AKAP9: variants seen among roughly 807,000 people sequenced by gnomAD.
AKAP9 encodes the protein A-kinase anchoring protein 9.
Under a neutral mutation model 488.5 loss-of-function variants are expected in AKAP9, and 311 were observed. The ratio of observed to expected loss-of-function variants is 0.64; its 90% CI spans 0.58 to 0.70. The LOEUF is 0.70. Ranked by LOEUF, AKAP9 falls within the 30% of genes least tolerant of loss-of-function variation. The pLI is 0.00. For synonymous variants in AKAP9, 1,462 were observed against 1,483.5 expected (o/e 0.99, Z 0.33); for missense variants, 4,215 against 4,374.5 (o/e 0.96, Z 1.03).
Position 92,079,507 on chromosome 7 carries a change from G to A in AKAP9, c.7374G>A (p.Leu2458=). ...GTGTTAACGTGGCTATAGATCATCTGAGCAAAGACAAACCTGAACTAGAAG... is the reference window on the plus strand; with the variant it reads ...GTGTTAACGTGGCTATAGATCATCTAAGCAAAGACAAACCTGAACTAGAAG... ...ENSVNVAIDH[L]SKDKPELEVV... is the part of the protein sequence containing the mutation. Residue 2458 remains leucine (L), a synonymous_variant, in exon 31 of 50, where the codon CTG becomes CTA. Transcript: ENST00000356239. The A allele has an allele frequency of 6.2e-7, 1 of 1,613,910 alleles. No individual in the cohort carries two copies. Among genetic ancestry groups the A allele is most frequent in the Non-Finnish European group, 8.5e-7 (1 of 1,180,002 alleles).
At chr7:92,010,431 G>A (rs952828653) in intron 8 of AKAP9, among the ~76,000 whole-genome samples, 16 of 152,210 alleles carry the variant, frequency 1.1e-4, no homozygotes, top group Admixed American at 8.5e-4. Flanking sequence ...ATAAATGCCC[G>A]CAGGGCCAGC....
chr7:91,956,423 A>G (rs1793020248), intron 1 of AKAP9, among the ~76,000 whole-genome samples: 1 of 149,114 alleles, frequency 6.7e-6, no homozygotes, highest in Non-Finnish European at 1.5e-5. Context: ...AAAAAAAAGT[A>G]GAGATGGGAT....
chr7:92,106,869 T>G (rs1318949113), intron 47 of AKAP9, among the ~76,000 whole-genome samples: 1 of 152,142 alleles, frequency 6.6e-6, no homozygotes, highest in Non-Finnish European at 1.5e-5. Flanking sequence ...CCATAATAAG[T>G]TGTGTTTTAT....
At chr7:92,030,567 G>T (rs1178429279) in intron 15 of AKAP9, among the ~76,000 whole-genome samples, 2 of 151,606 alleles carry the variant, frequency 1.3e-5, no homozygotes, top group East Asian at 3.9e-4. Flanking sequence ...GCTTGAACCT[G>T]GGAGGCAGAG....
At chr7:92,013,831 C>A (rs527923583) in intron 9 of AKAP9, among the ~76,000 whole-genome samples, 9 of 150,404 alleles carry the variant, frequency 6.0e-5, no homozygotes, top group African/African-American at 1.7e-4. Context: ...TGAATAGGTC[C>A]ATTAATGGGT....
At chr7:91,965,239 A>C (rs1038485202) in intron 1 of AKAP9, among the ~76,000 whole-genome samples, 13 of 151,924 alleles carry the variant, frequency 8.6e-5, no homozygotes, top group Non-Finnish European at 1.9e-4. Context: ...TCTACTCACT[A>C]TTTGCATCTA....
At chr7:92,029,306 C>T (rs6953515) in intron 14 of AKAP9, among the ~76,000 whole-genome samples, 52,897 of 151,882 alleles carry the variant, frequency 0.35, 9,595 homozygotes, top group Middle Eastern at 0.39. Flanking sequence ...TCTTTACCAC[C>T]ACTGCTCCTG....
chr7:92,032,579 TA>T lies in AKAP9; in HGVS notation c.4338+977del, dbSNP rs573836141. Among the ~76,000 whole-genome samples the T allele has an allele frequency of 1.2e-3, 186 of 152,222 alleles. 1 individual carries two copies. Among genetic ancestry groups the T allele is most frequent in the African/African-American group, 4.1e-3 (172 of 41,530 alleles). On this transcript the variant is annotated intron_variant, in intron 16 of 49. Coordinates refer to ENST00000356239, the MANE Select transcript of AKAP9 (RefSeq NM_005751.5). ...TTTTTGTATAATATTTCAGCTGTCTTAATATAACAATCCCAATGGAATATGT... is the reference window on the plus strand; with the variant it reads ...TTTTTGTATAATATTTCAGCTGTCTTATATAACAATCCCAATGGAATATGT...
chr7:92,096,639 G>T (rs753564911), intron 40 of AKAP9, 50 bp from the exon 41 acceptor site: 1 of 1,608,106 alleles, frequency 6.2e-7, no homozygotes, highest in African/African-American at 1.3e-5. Context: ...GCCCGGCCAA[G>T]TATTTTTAAT....
chr7:92,071,261 A>G (rs1360188423), intron 28 of AKAP9, among the ~76,000 whole-genome samples: 1 of 152,214 alleles, frequency 6.6e-6, no homozygotes. Flanking sequence ...TCGGAGGAAC[A>G]GGAAGAAGGC....
chr7:92,061,206 A>G lies in AKAP9; in HGVS notation c.5602-54A>G, dbSNP rs1436369619. The G allele has an allele frequency of 2.5e-6, 4 of 1,593,198 alleles. No individual in the cohort carries two copies. In the Admixed American group the frequency reaches 6.7e-5, roughly 27 times the overall value. ...TTTTCCAGCTTTAATAGGGAATGAA[A>G]CTAGTATTTCCACACTTTATTTTCT... On this transcript the variant is annotated intron_variant, in intron 22 of 49. Coordinates refer to ENST00000356239, the MANE Select transcript of AKAP9 (RefSeq NM_005751.5).
At chr7:92,074,339 A>T (rs1291082483) in intron 28 of AKAP9, among the ~76,000 whole-genome samples, 5 of 152,132 alleles carry the variant, frequency 3.3e-5, no homozygotes, top group Non-Finnish European at 7.4e-5. Flanking sequence ...CCAGTTAGAA[A>T]GGTAATCATT....
At position 92,014,261 on chromosome 7, in the gene AKAP9, A is replaced by C. The variant is rs780940199; in HGVS notation, c.3545A>C (p.Lys1182Thr). The C allele has an allele frequency of 1.2e-6, 2 of 1,611,152 alleles. No individual in the cohort carries two copies. Among genetic ancestry groups the C allele is most frequent in the Non-Finnish European group, 1.7e-6 (2 of 1,177,452 alleles). ...TCTGTTCTATTAGGTGATGAAGGAA[A>C]GCCTTTACATCTGCTCATTGGAAAA... ...MKTQETGDEG[K>T]PLHLLIGKLQ... Residue 1182 changes from lysine to threonine, a missense_variant, in exon 10 of 50, where the codon AAG becomes ACG. Lys to Thr is a moderately conservative substitution (Grantham distance 78, BLOSUM62 -1). Transcript: ENST00000356239.
chr7:91,973,878 A>G lies in AKAP9; in HGVS notation c.216A>G (p.Arg72=). 1 of 1,614,062 alleles carries G rather than the reference A, an allele frequency of 6.2e-7. No individual in the cohort carries two copies. Among genetic ancestry groups the G allele is most frequent in the Middle Eastern group, 1.7e-4 (1 of 6,060 alleles). ...AAATGTACATAAATAGTTCTCAGAG[A>G]GTAGAATCAACTGTGATTCCTGAAT... ...CNEMYINSSQ[R]VESTVIPEST... is the part of the protein sequence containing the mutation. Residue 72 remains arginine, a synonymous_variant, in exon 2 of 50, where the codon AGA becomes AGG. Coordinates refer to ENST00000356239, the MANE Select transcript of AKAP9 (RefSeq NM_005751.5).
intron 1 of AKAP9, among the ~76,000 whole-genome samples, chr7:91,968,384 C>T (rs1376511861): frequency 1.3e-5 from 2 of 152,044 alleles, no homozygotes; most frequent in Non-Finnish European, 2.9e-5. Context: ...AATTTGTTAG[C>T]ATATAGTTGT....
intron 1 of AKAP9, among the ~76,000 whole-genome samples, chr7:91,941,717 T>G (rs1790780851): frequency 6.6e-6 from 1 of 152,226 alleles, no homozygotes; most frequent in Non-Finnish European, 1.5e-5. Context: ...CTTTGTATGT[T>G]TGTACTTGAA....
Position 91,981,471 on chromosome 7 carries a change from G to C in AKAP9, c.351+1138G>C, listed in dbSNP as rs565122945. ...GTATACAAATACTATGCCATTAAGGGTCTTAGGCATCCGTGATTTTAGTAT... is the reference window on the plus strand; with the variant it reads ...GTATACAAATACTATGCCATTAAGGCTCTTAGGCATCCGTGATTTTAGTAT... On this transcript the variant is annotated intron_variant, in intron 3 of 49. Transcript: ENST00000356239. Among the ~76,000 whole-genome samples the C allele has an allele frequency of 2.6e-5, 4 of 152,072 alleles. No homozygotes were observed. In the South Asian group the frequency reaches 8.3e-4, roughly 32 times the overall value.
Position 91,940,868 on chromosome 7 carries a change from A to G in AKAP9, c.-232A>G. 1.7e-6 allele frequency: 1 copy of G among 583,148 alleles called. No individual in the cohort carries two copies. Among genetic ancestry groups the G allele is most frequent in the South Asian group, 1.9e-5 (1 of 51,704 alleles). 36.1% of individuals were successfully genotyped at this position (583,148 alleles called of 1,614,324 possible). On this transcript the variant is annotated 5_prime_UTR_variant, in exon 1 of 50. Transcript: ENST00000356239. The stretch of plus-strand genomic sequence containing the variant: ...GCCCCTCCCGCCTCGCCGTGTGTTT[A>G]CGTGGAGACGAAGATGGCGGCGGCG...
intron 3 of AKAP9, among the ~76,000 whole-genome samples, chr7:91,982,361 G>GC (rs1796542920): frequency 6.6e-6 from 1 of 151,818 alleles, no homozygotes; most frequent in Non-Finnish European, 1.5e-5. Context: ...CCCTCGACAG[G>GC]CCCCCATGTG....
Sources: allele counts gnomAD v4.1 joint callset (sites outside exome capture counted in the v4.1 genomes callset), GRCh38; gene constraint gnomAD v4.1.1; transcripts MANE v1.5; gene names NCBI Gene and HGNC (gene_info 2026-07-23, HGNC 2026-07-21).